The following ALPK1 variants were observed in gnomAD, a reference collection of about 807,000 sequenced individuals.
ALPK1 encodes the protein alpha-protein kinase 1.
In ALPK1, 110 loss-of-function variants were observed where a neutral mutation model predicts 120.6. That is an observed-to-expected ratio of 0.91 (90% CI 0.78 to 1.07). The LOEUF (loss-of-function observed/expected upper bound fraction) is 1.07. Ranked by LOEUF, ALPK1 falls within the 50% of genes least tolerant of loss-of-function variation. The pLI is 0.00. For missense variants in ALPK1, 1,498 were observed against 1,483.9 expected (o/e 1.01, Z -0.16); for synonymous variants, 582 against 560.3 (o/e 1.04, Z -0.55).
At chr4:112,370,488 TTAAA>T (rs1731357289) in intron 2 of ALPK1, among the ~76,000 whole-genome samples, 1 of 152,184 alleles carries the variant, frequency 6.6e-6, no homozygotes, top group African/African-American at 2.4e-5. Context: ...TTCCCATTGT[TTAAA>T]TGTAAAAACA....
intron 5 of ALPK1, among the ~76,000 whole-genome samples, chr4:112,420,129 A>G (rs1376199088): frequency 6.6e-6 from 1 of 152,272 alleles, no homozygotes; most frequent in Non-Finnish European, 1.5e-5. Flanking sequence ...GGGACAGGGC[A>G]GTGAACAAAA....
chr4:112,301,631 A>G (rs1231197243), intron 1 of ALPK1, among the ~76,000 whole-genome samples: 1 of 152,190 alleles, frequency 6.6e-6, no homozygotes, highest in Non-Finnish European at 1.5e-5. Flanking sequence ...TCTCACCAGA[A>G]TGTTCAACAA....
intron 4 of ALPK1, among the ~76,000 whole-genome samples, chr4:112,390,074 C>A (rs1454732601): frequency 6.6e-6 from 1 of 152,182 alleles, no homozygotes; most frequent in African/African-American, 2.4e-5. Flanking sequence ...GGTGTTTGTG[C>A]AAACTACAAC....
chr4:112,423,702 A>G (rs1560681414), intron 5 of ALPK1: 4 of 640,330 alleles, frequency 6.2e-6, no homozygotes, highest in South Asian at 1.5e-5. Flanking sequence ...TATCACATAC[A>G]TATGAATCTA....
intron 2 of ALPK1, among the ~76,000 whole-genome samples, chr4:112,374,140 T>C (rs1274234463): frequency 2.6e-5 from 4 of 152,232 alleles, no homozygotes. Context: ...TCTTTCAAAA[T>C]TGCAGTCGGT....
rs369385885 is a variant in ALPK1 at position 112,402,106 on chromosome 4, C to T, written c.277-9721C>T. On this transcript the variant is annotated intron_variant, in intron 4 of 15. Transcript: ENST00000650871. ...AACTATGCAGGCGTCAATCACTTTT[C>T]GTGTGTTTATTCTGCTAATTCCTCA... Among the ~76,000 whole-genome samples the T allele has an allele frequency of 1.6e-4, 24 of 152,344 alleles. 1 individual carries two copies. Among genetic ancestry groups the T allele is most frequent in the African/African-American group, 4.6e-4 (19 of 41,586 alleles).
intron 2 of ALPK1, chr4:112,359,713 C>A: frequency 3.8e-6 from 1 of 261,688 alleles, no homozygotes; most frequent in Non-Finnish European, 7.6e-6. Context: ...CCTGGACTTT[C>A]CCACGGGCAT....
In ALPK1 at chr4:112,431,556, C is replaced by A; in HGVS notation, c.2009C>A (p.Pro670His). The A allele has an allele frequency of 6.2e-7, 1 of 1,614,152 alleles. No homozygotes were observed. Among genetic ancestry groups the A allele is most frequent in the Non-Finnish European group, 8.5e-7 (1 of 1,180,038 alleles). The change falls in exon 11 of 16, where the codon CCC becomes CAC. Residue 670 changes from proline to histidine, a missense_variant. By Grantham distance (77) the Pro-to-His change is moderately conservative. Transcript: ENST00000650871. ...PSQNQPQQQM[P>H]LTPFSPHNTP... ...CAAAATCAGCCACAGCAACAGATGCCCTTGACACCCTTCTCGCCTCATAAT... is the reference window on the plus strand; with the variant it reads ...CAAAATCAGCCACAGCAACAGATGCACTTGACACCCTTCTCGCCTCATAAT...
intron 2 of ALPK1, among the ~76,000 whole-genome samples, chr4:112,349,551 G>GCCCCCCCCCCCC (rs10625139): frequency 3.0e-4 from 31 of 103,726 alleles, no homozygotes; most frequent in African/African-American, 5.7e-4. Flanking sequence ...CCCAACCCCT[G>GCCCCCCCCCCCC]CCCCCCCCCG....
intron 2 of ALPK1, among the ~76,000 whole-genome samples, chr4:112,376,132 A>G (rs1731648511): frequency 1.3e-5 from 2 of 152,174 alleles, no homozygotes; most frequent in Admixed American, 6.5e-5. Context: ...GATCACCATA[A>G]CAGATATAAT....
intron 5 of ALPK1, chr4:112,412,558 G>A: frequency 5.0e-6 from 2 of 396,728 alleles, no homozygotes; most frequent in South Asian, 3.6e-5. Flanking sequence ...TGAATGAAAT[G>A]AAAAAGGAGG....
intron 2 of ALPK1, among the ~76,000 whole-genome samples, chr4:112,325,817 A>G (rs1180728353): frequency 1.3e-5 from 2 of 152,158 alleles, no homozygotes; most frequent in African/African-American, 4.8e-5. Context: ...TTAAGCAACC[A>G]TGAATTTTTC....
intron 2 of ALPK1, among the ~76,000 whole-genome samples, chr4:112,366,925 T>C (rs533840256): frequency 6.6e-6 from 1 of 152,338 alleles, no homozygotes; most frequent in Admixed American, 6.5e-5. Flanking sequence ...AAGACCATTA[T>C]TCTAAGAGAA....
chr4:112,387,964 GT>G (rs1357171372), intron 4 of ALPK1, among the ~76,000 whole-genome samples: 1 of 152,080 alleles, frequency 6.6e-6, no homozygotes, highest in African/African-American at 2.4e-5. Flanking sequence ...CCAGTGTGTT[GT>G]TCCCTTCTAA....
At chr4:112,373,709 G>A (rs1038287402) in intron 2 of ALPK1, among the ~76,000 whole-genome samples, 1 of 152,028 alleles carries the variant, frequency 6.6e-6, no homozygotes, top group Admixed American at 6.6e-5. Flanking sequence ...ACAACATAGT[G>A]AGACCCATCT....
intron 6 of ALPK1, among the ~76,000 whole-genome samples, chr4:112,424,881 G>C (rs1234331618): frequency 6.6e-6 from 1 of 152,132 alleles, no homozygotes; most frequent in Non-Finnish European, 1.5e-5. Flanking sequence ...CTCTATTTTT[G>C]ATGTTTGACC....
intron 5 of ALPK1, among the ~76,000 whole-genome samples, chr4:112,421,834 A>C (rs1344327122): frequency 6.6e-6 from 1 of 152,192 alleles, no homozygotes; most frequent in African/African-American, 2.4e-5. Flanking sequence ...TGGATAGAGG[A>C]TGCATCCTTA....
chr4:112,412,607 G>T (rs1255865862), intron 5 of ALPK1, among the ~76,000 whole-genome samples: 1 of 151,994 alleles, frequency 6.6e-6, no homozygotes, highest in African/African-American at 2.4e-5. Flanking sequence ...GAAGAGGGCT[G>T]GGGGGAGGGG....
intron 12 of ALPK1, among the ~76,000 whole-genome samples, chr4:112,437,425 C>G (rs950344330): frequency 1.3e-5 from 2 of 152,108 alleles, no homozygotes; most frequent in African/African-American, 2.4e-5. Flanking sequence ...TTGATGATCC[C>G]CTGCCTAAGA....
Sources: allele counts gnomAD v4.1 joint callset (sites outside exome capture counted in the v4.1 genomes callset), GRCh38; gene constraint gnomAD v4.1.1; transcripts MANE v1.5; gene names NCBI Gene and HGNC (gene_info 2026-07-23, HGNC 2026-07-21).